RUNX2: variants seen among roughly 807,000 people sequenced by gnomAD.
RUNX2 encodes RUNX family transcription factor 2.
In RUNX2, 10 loss-of-function variants were observed where a neutral mutation model predicts 51.7. The ratio of observed to expected loss-of-function variants is 0.19; its 90% confidence interval spans 0.12 to 0.33. The LOEUF (loss-of-function observed/expected upper bound fraction) is 0.33, where lower values mean the gene tolerates loss of function less well. Among genes scored for constraint, RUNX2 ranks in the 10% least tolerant of loss-of-function variants. RUNX2 has a pLI of 1.00. For missense variants in RUNX2, 562 were observed against 691.3 expected (o/e 0.81, Z 2.10); for synonymous variants, 276 against 273.6 (o/e 1.01, Z -0.09).
chr6:45,458,672 C>T lies in RUNX2; in HGVS notation c.685+20621C>T, dbSNP rs76144310. 8.3e-3 allele frequency among the ~76,000 whole-genome samples: 1,264 copies of T among 152,214 alleles called. 24 individuals carry two copies. The highest frequency in any genetic ancestry group is 0.029 in the African/African-American group (1,200 of 41,526). ...GTAAAAATATATGAAAAATAAACTG[C>T]GAATGGAATCTTCCAGTTAGCTGAA... is the stretch of plus-strand genomic sequence containing the variant. On this transcript the variant is annotated intron_variant, in intron 5 of 8. Transcript: ENST00000647337.
intron 2 of RUNX2, among the ~76,000 whole-genome samples, chr6:45,370,913 GT>G (rs1795956925): frequency 6.6e-6 from 1 of 151,776 alleles, no homozygotes; most frequent in African/African-American, 2.4e-5. Flanking sequence ...GAAAAATTGA[GT>G]TTAAAAAAAA....
intron 8 of RUNX2, 104 bp from the exon 9 acceptor site, chr6:45,546,723 A>T: frequency 9.8e-7 from 1 of 1,021,278 alleles, no homozygotes; most frequent in East Asian, 2.5e-5. Flanking sequence ...CTGTTCCTTT[A>T]TGGGAAAGCT....
chr6:45,407,400 T>C (rs1034763880), intron 2 of RUNX2, among the ~76,000 whole-genome samples: 3 of 152,124 alleles, frequency 2.0e-5, no homozygotes, highest in African/African-American at 7.2e-5. Flanking sequence ...GACACCTTCA[T>C]CCATTAAAAA....
intron 7 of RUNX2, among the ~76,000 whole-genome samples, chr6:45,532,666 C>T (rs1046762226): frequency 3.3e-5 from 5 of 152,158 alleles, no homozygotes; most frequent in Non-Finnish European, 5.9e-5. Context: ...AAATTAAGTC[C>T]TTATGAAAAG....
At chr6:45,536,642 C>T (rs899014919) in intron 7 of RUNX2, among the ~76,000 whole-genome samples, 2 of 152,210 alleles carry the variant, frequency 1.3e-5, no homozygotes, top group African/African-American at 4.8e-5. Flanking sequence ...CTGCCTGCAG[C>T]GGACTCTTCC....
At chr6:45,361,307 T>TC (rs1278346931) in intron 2 of RUNX2, among the ~76,000 whole-genome samples, 2 of 152,060 alleles carry the variant, frequency 1.3e-5, no homozygotes. Flanking sequence ...TTGCTATTTA[T>TC]CCCCAAAACT....
intron 2 of RUNX2, among the ~76,000 whole-genome samples, chr6:45,359,850 C>T (rs1424296369): frequency 6.6e-6 from 1 of 152,088 alleles, no homozygotes; most frequent in Non-Finnish European, 1.5e-5. Flanking sequence ...TCAAGACCAG[C>T]CTGGGCAACA....
intron 2 of RUNX2, among the ~76,000 whole-genome samples, chr6:45,379,080 C>T: frequency 6.6e-6 from 1 of 152,170 alleles, no homozygotes. Context: ...TTTAAAATAG[C>T]AACTTATTTG....
chr6:45,331,715 T>A (rs1787553717), intron 2 of RUNX2, among the ~76,000 whole-genome samples: 1 of 151,968 alleles, frequency 6.6e-6, no homozygotes, highest in African/African-American at 2.4e-5. Context: ...GAAAAAGATC[T>A]GGCTGGTCTG....
Position 45,335,976 on chromosome 6 carries a change from A to G in RUNX2, c.58+7192A>G, listed in dbSNP as rs114902483. On this transcript the variant is annotated intron_variant, in intron 2 of 8. Transcript: ENST00000647337. ...CTATGGAGATACTACTTACAAAGAC[A>G]ATGTGCTACAGTGTATTTCTAAAGA... Among the ~76,000 whole-genome samples, 855 of 151,400 alleles carry G rather than the reference A, an allele frequency of 5.6e-3. 9 individuals carry two copies. Among genetic ancestry groups the G allele is most frequent in the Non-Finnish European group, 8.6e-3 (577 of 67,358 alleles).
intron 2 of RUNX2, chr6:45,377,720 C>G (rs1006531495): frequency 1.3e-5 from 2 of 152,316 alleles, no homozygotes; most frequent in African/African-American, 4.8e-5. Flanking sequence ...GGCTCTCTGA[C>G]GTCTCCCCCG....
chr6:45,450,051 G>A (rs1021761791), intron 5 of RUNX2, among the ~76,000 whole-genome samples: 6 of 152,244 alleles, frequency 3.9e-5, no homozygotes, highest in African/African-American at 9.6e-5. Flanking sequence ...GATAACAGAA[G>A]TTGGGGAAAT....
At chr6:45,399,561 T>C (rs1797659085) in intron 2 of RUNX2, among the ~76,000 whole-genome samples, 1 of 151,944 alleles carries the variant, frequency 6.6e-6, no homozygotes, top group Admixed American at 6.6e-5. Context: ...GGTTTCACCA[T>C]GTTGGTCAGG....
chr6:45,345,470 C>G (rs1280755157), intron 2 of RUNX2, among the ~76,000 whole-genome samples: 1 of 152,068 alleles, frequency 6.6e-6, no homozygotes, highest in African/African-American at 2.4e-5. Context: ...ACTCCTCAAC[C>G]AGGATACAAA....
chr6:45,346,476 A>T (rs1790883287), intron 2 of RUNX2, among the ~76,000 whole-genome samples: 1 of 152,084 alleles, frequency 6.6e-6, no homozygotes, highest in Non-Finnish European at 1.5e-5. Context: ...GGTAGCACAG[A>T]TACACAAGAA....
intron 7 of RUNX2, among the ~76,000 whole-genome samples, chr6:45,522,255 T>C (rs1801528129): frequency 6.6e-6 from 1 of 152,178 alleles, no homozygotes; most frequent in Non-Finnish European, 1.5e-5. Flanking sequence ...AAGCTTTCAG[T>C]CTCATTTAGG....
At chr6:45,378,030 C>T (rs536358554) in intron 2 of RUNX2, 11 of 152,176 alleles carry the variant, frequency 7.2e-5, no homozygotes, top group Admixed American at 2.6e-4. Flanking sequence ...GGACGCCCCC[C>T]GCACTGGCAG....
chr6:45,546,765 T>C (rs1262550639), intron 8 of RUNX2, 62 bp from the exon 9 acceptor site: 2 of 1,357,550 alleles, frequency 1.5e-6, no homozygotes, highest in Admixed American at 3.4e-5. Context: ...TTGTAACAAT[T>C]CTATCATTAT....
intron 6 of RUNX2, among the ~76,000 whole-genome samples, chr6:45,505,672 C>A (rs1800944098): frequency 6.6e-6 from 1 of 152,162 alleles, no homozygotes; most frequent in Non-Finnish European, 1.5e-5. Context: ...GACAGAGGAA[C>A]CACCCCTCTC....
Sources: allele counts gnomAD v4.1 joint callset (sites outside exome capture counted in the v4.1 genomes callset), GRCh38; gene constraint gnomAD v4.1.1; transcripts MANE v1.5; gene names NCBI Gene and HGNC (gene_info 2026-07-23, HGNC 2026-07-21).